Variants in KIAA1549L observed in about 807,000 individuals in gnomAD.
KIAA1549L encodes KIAA1549 like.
KIAA1549L carries 88 observed loss-of-function variants against 160.7 expected under a neutral mutation model. That is an observed-to-expected ratio of 0.55 (90% CI 0.46 to 0.65). KIAA1549L has a LOEUF of 0.65. Ranked by LOEUF, KIAA1549L falls within the 30% of genes least tolerant of loss-of-function variation. The pLI, the probability that KIAA1549L is intolerant of heterozygous loss-of-function variation, is 0.00. For missense variants in KIAA1549L, 2,258 were observed against 2,437.5 expected (o/e 0.93, Z 1.55); for synonymous variants, 950 against 976.7 (o/e 0.97, Z 0.51).
intron 1 of KIAA1549L, among the ~76,000 whole-genome samples, chr11:33,538,501 C>G (rs1013191887): frequency 6.6e-6 from 1 of 152,154 alleles, no homozygotes; most frequent in Non-Finnish European, 1.5e-5. Context: ...AGATGTGACA[C>G]TCAGAAATCA....
intron 1 of KIAA1549L, among the ~76,000 whole-genome samples, chr11:33,381,605 G>C (rs544594604): frequency 2.0e-5 from 3 of 152,238 alleles, no homozygotes; most frequent in Non-Finnish European, 2.9e-5. Flanking sequence ...GGAGTGAGAT[G>C]GTCAGCCATT....
intron 13 of KIAA1549L, among the ~76,000 whole-genome samples, chr11:33,606,247 G>A (rs1046237652): frequency 6.6e-6 from 1 of 152,322 alleles, no homozygotes; most frequent in East Asian, 1.9e-4. Context: ...AATGCTGTTA[G>A]TCTGAGGATT....
intron 1 of KIAA1549L, among the ~76,000 whole-genome samples, chr11:33,528,116 A>G (rs1853655958): frequency 6.6e-6 from 1 of 152,196 alleles, no homozygotes; most frequent in Non-Finnish European, 1.5e-5. Context: ...GCCATGTGGA[A>G]CTGTGAGTCA....
chr11:33,381,862 AAG>A (rs1479637438), intron 1 of KIAA1549L, among the ~76,000 whole-genome samples: 1 of 152,158 alleles, frequency 6.6e-6, no homozygotes, highest in African/African-American at 2.4e-5. Flanking sequence ...GTAGGAGAGA[AAG>A]AGAGGAATTG....
chr11:33,557,359 T>C (rs1239003257), intron 6 of KIAA1549L, among the ~76,000 whole-genome samples: 8 of 152,206 alleles, frequency 5.3e-5, no homozygotes, highest in Non-Finnish European at 1.2e-4. Context: ...AGTTTTTTTT[T>C]TTTTAGTTAT....
intron 1 of KIAA1549L, among the ~76,000 whole-genome samples, chr11:33,518,932 T>C (rs371214922): frequency 9.5e-4 from 145 of 152,352 alleles, no homozygotes; most frequent in African/African-American, 3.3e-3. Flanking sequence ...AAATGCTCCA[T>C]TGAGCATATC....
At chr11:33,388,800 C>A (rs1850220869) in intron 1 of KIAA1549L, among the ~76,000 whole-genome samples, 1 of 152,156 alleles carries the variant, frequency 6.6e-6, no homozygotes, top group Non-Finnish European at 1.5e-5. Flanking sequence ...TCCTTTACTC[C>A]CTGGCTTCCT....
intron 1 of KIAA1549L, among the ~76,000 whole-genome samples, chr11:33,477,496 C>T (rs1211974593): frequency 6.7e-6 from 1 of 149,638 alleles, no homozygotes; most frequent in Non-Finnish European, 1.5e-5. Flanking sequence ...TGGAGTGCCA[C>T]GCAGGTGCAC....
At chr11:33,380,364 C>T (rs913007442) in intron 1 of KIAA1549L, among the ~76,000 whole-genome samples, 1 of 152,128 alleles carries the variant, frequency 6.6e-6, no homozygotes, top group Non-Finnish European at 1.5e-5. Context: ...TTAAATAATT[C>T]ACAGTAAGTT....
intron 16 of KIAA1549L, among the ~76,000 whole-genome samples, chr11:33,630,880 C>T (rs1050538334): frequency 2.6e-5 from 4 of 152,204 alleles, no homozygotes; most frequent in African/African-American, 9.7e-5. Context: ...GCATTAGCAT[C>T]TAAGCTTTGT....
At chr11:33,564,023 C>T (rs144243100) in intron 8 of KIAA1549L, among the ~76,000 whole-genome samples, 11 of 152,252 alleles carry the variant, frequency 7.2e-5, no homozygotes, top group African/African-American at 2.6e-4. Flanking sequence ...GCCTTCTACC[C>T]ACTCACTTAT....
chr11:33,654,719 C>T (rs145114090), intron 17 of KIAA1549L, among the ~76,000 whole-genome samples: 56 of 152,318 alleles, frequency 3.7e-4, no homozygotes, highest in African/African-American at 1.2e-3. Flanking sequence ...AGTATTTTCA[C>T]CTCTGGTTTC....
intron 20 of KIAA1549L, among the ~76,000 whole-genome samples, chr11:33,661,260 A>G (rs1189995955): frequency 1.3e-5 from 2 of 152,200 alleles, no homozygotes; most frequent in Non-Finnish European, 2.9e-5. Flanking sequence ...GACCTTAATC[A>G]AGTACATTTT....
intron 19 of KIAA1549L, 41 bp from the exon 20 acceptor site, chr11:33,660,822 C>T: frequency 1.2e-6 from 2 of 1,604,346 alleles, no homozygotes; most frequent in Non-Finnish European, 1.7e-6. Context: ...TCCCTCAGAC[C>T]AGCCTCTCTT....
intron 1 of KIAA1549L, among the ~76,000 whole-genome samples, chr11:33,452,862 T>G (rs1851749392): frequency 6.6e-6 from 1 of 152,142 alleles, no homozygotes; most frequent in Non-Finnish European, 1.5e-5. Context: ...ACCTGGAGGC[T>G]GGAGCAAGTG....
intron 1 of KIAA1549L, among the ~76,000 whole-genome samples, chr11:33,539,844 G>A (rs1257309539): frequency 2.0e-5 from 3 of 152,184 alleles, no homozygotes; most frequent in African/African-American, 7.2e-5. Context: ...TTAGAAGTGG[G>A]AGAGCCGGAA....
chr11:33,569,131 A>G (rs1322062881), intron 9 of KIAA1549L, among the ~76,000 whole-genome samples: 1 of 152,126 alleles, frequency 6.6e-6, no homozygotes, highest in Non-Finnish European at 1.5e-5. Flanking sequence ...AGCTCTTCTC[A>G]GGGTCTACTT....
At chr11:33,524,165 G>C (rs1212915858) in intron 1 of KIAA1549L, among the ~76,000 whole-genome samples, 1 of 152,014 alleles carries the variant, frequency 6.6e-6, no homozygotes, top group Non-Finnish European at 1.5e-5. Flanking sequence ...TGTCTGTTTA[G>C]GTTTTTCATT....
chr11:33,586,397 T>TA (rs1849875077), intron 11 of KIAA1549L, among the ~76,000 whole-genome samples: 1 of 150,270 alleles, frequency 6.7e-6, no homozygotes, highest in Non-Finnish European at 1.5e-5. Flanking sequence ...TTCCCATTGT[T>TA]ATCAGGTGGG....
Sources: gnomAD v4.1 joint callset for allele counts (sites outside exome capture counted in the v4.1 genomes callset) on GRCh38, gnomAD v4.1.1 for gene constraint, MANE v1.5 for transcripts, NCBI Gene and HGNC (gene_info 2026-07-23, HGNC 2026-07-21) for gene names.